KIAA0753: variants seen among roughly 807,000 people sequenced by gnomAD.
The protein encoded by KIAA0753 is protein moonraker.
A neutral mutation model predicts 116.9 loss-of-function variants in KIAA0753; 114 were observed. The ratio of observed to expected loss-of-function variants is 0.98; its 90% CI spans 0.84 to 1.14. The LOEUF (loss-of-function observed/expected upper bound fraction) is 1.14. Ranked by LOEUF, KIAA0753 falls within the 50% of genes most tolerant of loss-of-function variation. The pLI, the probability that KIAA0753 is intolerant of heterozygous loss-of-function variation, is 0.00. For synonymous variants in KIAA0753, 405 were observed against 413.1 expected (o/e 0.98, Z 0.24); for missense variants, 1,156 against 1,172.4 (o/e 0.99, Z 0.20).
intron 14 of KIAA0753, among the ~76,000 whole-genome samples, chr17:6,597,472 A>G (rs1224622211): frequency 6.6e-6 from 1 of 152,230 alleles, no homozygotes; most frequent in Non-Finnish European, 1.5e-5. Flanking sequence ...ATACAGAAAG[A>G]GCACAAAAAT....
intron 18 of KIAA0753, among the ~76,000 whole-genome samples, chr17:6,586,112 G>A (rs1470801488): frequency 6.6e-6 from 1 of 152,120 alleles, no homozygotes; most frequent in African/African-American, 2.4e-5. Flanking sequence ...ATTTAAAAGT[G>A]TGTGGCATTC....
chr17:6,591,050 G>T (rs200333735), intron 16 of KIAA0753, among the ~76,000 whole-genome samples: 1 of 27,540 alleles, frequency 3.6e-5, no homozygotes, highest in East Asian at 7.2e-4. Flanking sequence ...GGAAGAAGAA[G>T]AAGAAGAAGA....
At chr17:6,612,248 C>T in intron 7 of KIAA0753, 100 bp from the exon 8 acceptor site, 2 of 808,562 alleles carry the variant, frequency 2.5e-6, no homozygotes, top group South Asian at 1.7e-5. Flanking sequence ...AATACCTATC[C>T]TAGCCCTGCT....
intron 8 of KIAA0753, among the ~76,000 whole-genome samples, chr17:6,611,202 C>T (rs879736414): frequency 6.6e-6 from 1 of 152,156 alleles, no homozygotes; most frequent in Non-Finnish European, 1.5e-5. Context: ...CAAGTTGTAC[C>T]CTGCTGGCTC....
At chr17:6,629,750 C>G (rs77518548) in intron 2 of KIAA0753, among the ~76,000 whole-genome samples, 3,159 of 152,254 alleles carry the variant, frequency 0.021, 102 homozygotes, top group African/African-American at 0.07. Context: ...TATATAATTA[C>G]AGGCATCAAG....
chr17:6,615,984 G>A (rs1970901567), intron 7 of KIAA0753, among the ~76,000 whole-genome samples: 1 of 152,108 alleles, frequency 6.6e-6, no homozygotes, highest in African/African-American at 2.4e-5. Flanking sequence ...TGGCTCCCTA[G>A]AGTATTTTTT....
At chr17:6,586,878 A>G (rs1164114636) in intron 18 of KIAA0753, among the ~76,000 whole-genome samples, 6 of 152,208 alleles carry the variant, frequency 3.9e-5, no homozygotes, top group Admixed American at 3.9e-4. Flanking sequence ...GATGAAGTCA[A>G]CTGTCTTTGG....
intron 7 of KIAA0753, among the ~76,000 whole-genome samples, chr17:6,618,748 A>C (rs1181913339): frequency 6.6e-5 from 10 of 152,332 alleles, no homozygotes; most frequent in African/African-American, 2.2e-4. Context: ...TGAATTCTGG[A>C]CTGATATATA....
intron 16 of KIAA0753, among the ~76,000 whole-genome samples, chr17:6,591,046 A>AGGAAGAAGGAAGAAG (rs368460503): frequency 2.1e-5 from 1 of 48,248 alleles, no homozygotes; most frequent in Non-Finnish European, 4.6e-5. Context: ...AGAAGGAAGA[A>AGGAAGAAGGAAGAAG]GAAGAAGAAG....
In KIAA0753 at chr17:6,623,594, G is replaced by T. The variant is rs1971468526; in HGVS notation, c.826-23C>A. The T allele has an allele frequency of 1.9e-6, 3 of 1,601,306 alleles. No homozygotes were observed. In the South Asian group the frequency reaches 3.4e-5, roughly 18 times the overall value. On this transcript the variant is annotated intron_variant, in intron 4 of 18. Transcript: ENST00000361413. Reference sequence around the variant, plus strand: ...TACCTGTTTTGTAAAGGGGAAAAAAGAAAACTTCATACCTTTCCATTGATC... The same window carrying T: ...TACCTGTTTTGTAAAGGGGAAAAAATAAAACTTCATACCTTTCCATTGATC...
In KIAA0753 at chr17:6,628,156, T is replaced by A. The variant is rs1971794046; in HGVS notation, c.679A>T (p.Ser227Cys). 6.2e-7 allele frequency: 1 copy of A among 1,614,078 alleles called. No individual in the cohort carries two copies. The highest frequency in any genetic ancestry group is 1.3e-5 in the African/African-American group (1 of 75,036). The change falls in exon 3 of 19, where the codon AGC (serine) becomes TGC (cysteine). Residue 227 changes from serine to cysteine, a missense_variant. Ser to Cys is a moderately radical substitution (Grantham distance 112). Transcript: ENST00000361413. ...TCTTCAATTTTGTGGATACAACTGC[T>A]CAGTTCTTTCTGGAGTCGCTGGACT... ...LEVQRLQKEL[S>C]SCIHKIEEVT... is the part of the protein sequence containing the mutation.
Position 6,622,964 on chromosome 17 carries a change from C to A in KIAA0753, c.1022G>T (p.Arg341Leu), listed in dbSNP as rs550351036. Residue 341 changes from arginine (R) to leucine (L), a missense_variant, in exon 6 of 19, where the codon CGC becomes CTC. By Grantham distance (102) the Arg-to-Leu change is moderately radical. Coordinates refer to ENST00000361413, the MANE Select transcript of KIAA0753 (RefSeq NM_014804.3). ...ARCKELGSLI[R>L]QLSLCSVKLD... is the part of the protein sequence containing the mutation. ...CTTGACAGAACAAAGTGAAAGCTGG[C>A]GAATAAGGCTGCCCAGTTCCTTACA... 127 of 1,614,138 alleles carry A rather than the reference C, an allele frequency of 7.9e-5. No individual in the cohort carries two copies. The highest frequency in any genetic ancestry group is 1.0e-4 in the Non-Finnish European group (121 of 1,180,010).
intron 12 of KIAA0753, among the ~76,000 whole-genome samples, chr17:6,601,379 TC>T (rs912966975): frequency 6.6e-6 from 1 of 152,116 alleles, no homozygotes; most frequent in Non-Finnish European, 1.5e-5. Flanking sequence ...GAGGCAGCGG[TC>T]ACGTATGCAG....
chr17:6,615,450 G>A (rs931670890), intron 7 of KIAA0753, among the ~76,000 whole-genome samples: 1 of 151,728 alleles, frequency 6.6e-6, no homozygotes, highest in African/African-American at 2.4e-5. Context: ...TAAGTGAAAA[G>A]GTAAAAGTGC....
chr17:6,586,236 A>G (rs1447123987), intron 18 of KIAA0753, among the ~76,000 whole-genome samples: 1 of 152,178 alleles, frequency 6.6e-6, no homozygotes, highest in Non-Finnish European at 1.5e-5. Flanking sequence ...AGCATATGCC[A>G]GCACCATGCT....
At chr17:6,604,029 C>T (rs1970037126) in intron 12 of KIAA0753, among the ~76,000 whole-genome samples, 1 of 152,172 alleles carries the variant, frequency 6.6e-6, no homozygotes, top group Admixed American at 6.5e-5. Flanking sequence ...ATCCCTCAAA[C>T]ACTGCTGGTG....
At chr17:6,603,271 GA>G (rs928247605) in intron 12 of KIAA0753, among the ~76,000 whole-genome samples, 4 of 149,684 alleles carry the variant, frequency 2.7e-5, no homozygotes, top group African/African-American at 9.8e-5. Flanking sequence ...ACAGAGACAA[GA>G]AAAAAAAAGT....
At chr17:6,617,242 G>A (rs1226427286) in intron 7 of KIAA0753, among the ~76,000 whole-genome samples, 2 of 152,086 alleles carry the variant, frequency 1.3e-5, no homozygotes, top group Non-Finnish European at 2.9e-5. Flanking sequence ...CTAACTGTGT[G>A]GCAGATGCTG....
At chr17:6,599,193 T>C (rs1351670564) in intron 14 of KIAA0753, 44 bp downstream of exon 14, 1 of 1,323,646 alleles carries the variant, frequency 7.6e-7, no homozygotes, top group Admixed American at 1.7e-5. Flanking sequence ...CTAAAGATGT[T>C]ATCAAGCAAT....
Sources: gnomAD v4.1 joint callset for allele counts (sites outside exome capture counted in the v4.1 genomes callset) on GRCh38, gnomAD v4.1.1 for gene constraint, MANE v1.5 for transcripts, NCBI Gene and HGNC (gene_info 2026-07-23, HGNC 2026-07-21) for gene names.